Variants in ASH1L observed in about 807,000 individuals in gnomAD.
ASH1L encodes the protein histone-lysine N-methyltransferase ASH1L.
Under a neutral mutation model 269.0 loss-of-function variants are expected in ASH1L, and 23 were observed. The observed-to-expected ratio is 0.09, with a 90% confidence interval of 0.06 to 0.12. The LOEUF is 0.12. Ranked by LOEUF, ASH1L falls within the 10% of genes least tolerant of loss-of-function variation. ASH1L has a pLI of 1.00. For missense variants in ASH1L, 2,912 were observed against 3,567.8 expected, an observed-to-expected ratio of 0.82 and a Z score of 4.68; for synonymous variants, 1,187 against 1,253.5, an observed-to-expected ratio of 0.95 and a Z score of 1.12.
chr1:155,347,327 A>C (rs1167515457), intron 20 of ASH1L, among the ~76,000 whole-genome samples: 1 of 152,170 alleles, frequency 6.6e-6, no homozygotes, highest in Non-Finnish European at 1.5e-5. Flanking sequence ...GGATTGCTTG[A>C]GCCTGGGAGG....
In ASH1L at chr1:155,481,505, G is replaced by A. The variant is rs1164710604; in HGVS notation, c.1365C>T (p.Ser455=). Reference sequence around the variant, plus strand: ...TTTTGCTGGTGGCACTATCTTTCAGGGATTCAGAAAGTTCCTGACTTTCCT... The same window carrying A: ...TTTTGCTGGTGGCACTATCTTTCAGAGATTCAGAAAGTTCCTGACTTTCCT... ...NNQESQELSE[S]LKDSATSKTF... The change falls in exon 3 of 28, where the codon TCC becomes TCT. Residue 455 remains serine (S), a synonymous_variant. Coordinates refer to ENST00000392403, the MANE Select transcript of ASH1L (RefSeq NM_018489.3). 1.2e-6 allele frequency: 2 copies of A among 1,614,012 alleles called. No homozygotes were observed. The highest frequency in any genetic ancestry group is 1.7e-5 in the Admixed American group (1 of 59,990).
chr1:155,438,887 G>T lies in ASH1L; in HGVS notation c.5268C>A (p.Asp1756Glu). The change falls in exon 5 of 28, where the codon GAC becomes GAA. Residue 1756 changes from aspartate to glutamate, a missense_variant. By Grantham distance (45) the Asp-to-Glu change is conservative. Transcript: ENST00000392403. ...SSSPGRSHSK[D>E]RTLGKPDSLL... ...GGCTGTCTGGTTTTCCCAGGGTTCG[G>T]TCCTTGCTGTGGCTACGGCCTGGAC... 6.2e-7 allele frequency: 1 copy of T among 1,614,178 alleles called. No individual in the cohort carries two copies. The highest frequency in any genetic ancestry group is 8.5e-7 in the Non-Finnish European group (1 of 1,180,042).
chr1:155,563,198 GC>G (rs1213180828), upstream of ASH1L: 1 of 456,640 alleles, frequency 2.2e-6, no homozygotes, highest in Non-Finnish European at 4.4e-6. Flanking sequence ...GGAGGCCGCG[GC>G]GGCTGCGCGT....
intron 8 of ASH1L, among the ~76,000 whole-genome samples, chr1:155,378,779 A>G (rs1245224910): frequency 6.6e-6 from 1 of 152,246 alleles, no homozygotes; most frequent in Non-Finnish European, 1.5e-5. Flanking sequence ...AATAGTTTAT[A>G]CAAGTGGAAT....
intron 27 of ASH1L, 110 bp downstream of exon 27, chr1:155,337,979 A>T (rs1354588045): frequency 8.3e-7 from 1 of 1,210,726 alleles, no homozygotes; most frequent in East Asian, 2.5e-5. Flanking sequence ...AAAGAACTAT[A>T]CCATTTTCTT....
chr1:155,414,589 G>A (rs1660058056), intron 6 of ASH1L, among the ~76,000 whole-genome samples: 1 of 152,132 alleles, frequency 6.6e-6, no homozygotes, highest in Non-Finnish European at 1.5e-5. Flanking sequence ...GATTATAGGT[G>A]TGAGCCACCA....
intron 1 of ASH1L, among the ~76,000 whole-genome samples, chr1:155,532,532 G>C (rs1669735210): frequency 6.6e-6 from 1 of 152,032 alleles, no homozygotes; most frequent in Non-Finnish European, 1.5e-5. Context: ...TATTAATATA[G>C]TGGTCTGGGC....
rs144278501 is a variant in ASH1L, at chr1:155,490,614, T to TCACACACACACACA, written c.421-8179_421-8166dup. On this transcript the variant is annotated intron_variant, in intron 2 of 27. Coordinates refer to ENST00000392403, the MANE Select transcript of ASH1L (RefSeq NM_018489.3). ...GTATGGGCTACACAGCCAGACTACG[T>TCACACACACACACA]CACACACACACACACACACACACAC... Among the ~76,000 whole-genome samples, 858 of 142,386 alleles carry TCACACACACACACA rather than the reference T, an allele frequency of 6.0e-3. 10 individuals carry two copies. Among genetic ancestry groups the TCACACACACACACA allele is most frequent in the African/African-American group, 0.021 (790 of 37,388 alleles). The allele number at this position is 142,386 out of a possible 152,430, so 93.4% of individuals were successfully genotyped here.
Position 155,438,581 on chromosome 1 carries a change from A to C in ASH1L, c.5574T>G (p.Leu1858=), listed in dbSNP as rs1358114785. Residue 1858 remains leucine, a synonymous_variant, in exon 5 of 28, where the codon CTT becomes CTG. Transcript: ENST00000392403. The stretch of plus-strand genomic sequence containing the variant: ...ATGCTTGCATTGATACGACAGCCTG[A>C]AGGGGACATTTCCGAGGTCGACCTG... ...RRPGRPRKCP[L]QAVVSMQAFQ... 7 of 1,614,180 alleles carry C rather than the reference A, an allele frequency of 4.3e-6. No homozygotes were observed. Among genetic ancestry groups the C allele is most frequent in the Non-Finnish European group, 5.9e-6 (7 of 1,180,016 alleles).
At chr1:155,399,457 A>G (rs1055831340) in intron 6 of ASH1L, among the ~76,000 whole-genome samples, 2 of 152,228 alleles carry the variant, frequency 1.3e-5, no homozygotes, top group African/African-American at 2.4e-5. Flanking sequence ...AGACTGGCTA[A>G]CATGGCTAAA....
At chr1:155,551,659 C>CAAA (rs936454643) in intron 1 of ASH1L, among the ~76,000 whole-genome samples, 1 of 49,208 alleles carries the variant, frequency 2.0e-5, no homozygotes, top group Non-Finnish European at 4.1e-5. Context: ...GACTCCGTCT[C>CAAA]AAAAAAAAAA....
At chr1:155,506,698 TA>T (rs1296944361) in intron 2 of ASH1L, among the ~76,000 whole-genome samples, 1 of 151,414 alleles carries the variant, frequency 6.6e-6, no homozygotes, top group Non-Finnish European at 1.5e-5. Flanking sequence ...CCATCTCAAA[TA>T]AAAAAAAGAA....
chr1:155,356,722 T>C (rs1654424232), intron 15 of ASH1L, among the ~76,000 whole-genome samples: 1 of 151,590 alleles, frequency 6.6e-6, no homozygotes, highest in East Asian at 1.9e-4. Flanking sequence ...GCTCAAGTAA[T>C]TTTCCTGCCT....
chr1:155,513,995 C>G (rs116698232), intron 2 of ASH1L, among the ~76,000 whole-genome samples: 2,650 of 152,226 alleles, frequency 0.017, 40 homozygotes, highest in Middle Eastern at 0.041. Flanking sequence ...TGACATACTC[C>G]AAGATGGACA....
intron 17 of ASH1L, among the ~76,000 whole-genome samples, chr1:155,351,850 CAA>C (rs1206899040): frequency 8.0e-6 from 1 of 124,614 alleles, no homozygotes. Flanking sequence ...GACTTTGTCT[CAA>C]AAAAAAAAAA....
chr1:155,375,192 TAA>T (rs1656328803), intron 10 of ASH1L, among the ~76,000 whole-genome samples: 1 of 152,038 alleles, frequency 6.6e-6, no homozygotes, highest in African/African-American at 2.4e-5. Context: ...GAAGTATAAA[TAA>T]AAGAGTGCTC....
intron 4 of ASH1L, among the ~76,000 whole-genome samples, chr1:155,449,589 G>A (rs550017697): frequency 4.7e-5 from 7 of 149,162 alleles, no homozygotes; most frequent in Non-Finnish European, 1.0e-4. Context: ...GCACGATCTC[G>A]GCTCACTGCC....
At chr1:155,366,394 G>A (rs770834206) in intron 12 of ASH1L, among the ~76,000 whole-genome samples, 5 of 152,096 alleles carry the variant, frequency 3.3e-5, no homozygotes, top group Non-Finnish European at 7.4e-5. Context: ...AATCTATAAA[G>A]AACCATAAAG....
At chr1:155,348,551 T>C (rs892232556) in intron 19 of ASH1L, among the ~76,000 whole-genome samples, 3 of 152,130 alleles carry the variant, frequency 2.0e-5, no homozygotes, top group Admixed American at 6.6e-5. Context: ...AGCTATTCCA[T>C]AATCTATCAC....
Sources: allele counts gnomAD v4.1 joint callset (sites outside exome capture counted in the v4.1 genomes callset), GRCh38; gene constraint gnomAD v4.1.1; transcripts MANE v1.5; gene names NCBI Gene and HGNC (gene_info 2026-07-23, HGNC 2026-07-21).